Variants in SEMA3A observed in about 807,000 individuals in gnomAD.
SEMA3A encodes the protein semaphorin 3A.
A neutral mutation model predicts 97.9 loss-of-function variants in SEMA3A; 29 were observed. That is an observed-to-expected ratio of 0.30 (90% CI 0.22 to 0.40). The LOEUF (loss-of-function observed/expected upper bound fraction) is 0.40. Among genes scored for constraint, SEMA3A ranks in the 10% least tolerant of loss-of-function variants. SEMA3A has a pLI of 1.00. For synonymous variants in SEMA3A, 321 were observed against 323.7 expected (o/e 0.99, Z 0.09); for missense variants, 763 against 951.3 (o/e 0.80, Z 2.60).
chr7:84,021,941 ATAT>A (rs143074007), intron 6 of SEMA3A, among the ~76,000 whole-genome samples: 7,800 of 152,236 alleles, frequency 0.051, 290 homozygotes, highest in East Asian at 0.19. Flanking sequence ...TTTCTGCAAG[ATAT>A]TATACAATGG....
At chr7:84,316,290 T>G (rs963170372) in intron 2 of SEMA3A, among the ~76,000 whole-genome samples, 1 of 151,970 alleles carries the variant, frequency 6.6e-6, no homozygotes, top group Non-Finnish European at 1.5e-5. Flanking sequence ...ATTTTTAAGT[T>G]GCAGTATAAT....
chr7:84,152,545 G>C (rs1796706321), intron 1 of SEMA3A, among the ~76,000 whole-genome samples: 1 of 117,182 alleles, frequency 8.5e-6, no homozygotes, highest in South Asian at 3.3e-4. Flanking sequence ...ACTGTTGTGG[G>C]GTGGGGGGAG....
In SEMA3A at chr7:84,482,144, G is replaced by A. The variant is rs1049122217; in HGVS notation, c.-246+10316C>T. On this transcript the variant is annotated intron_variant, in intron 1 of 3. Coordinates refer to the SEMA3A transcript ENST00000424555. ...ATTCATCTATTTCAAACTTCTCATC[G>A]TATAAGTTAAAATATTGAGGTAGTG... Among the ~76,000 whole-genome samples, 7 of 151,222 alleles carry A rather than the reference G, an allele frequency of 4.6e-5. No homozygotes were observed. In the South Asian group the frequency reaches 6.3e-4, roughly 14 times the overall value.
At chr7:84,061,704 A>C (rs566561315) in intron 4 of SEMA3A, among the ~76,000 whole-genome samples, 2 of 152,120 alleles carry the variant, frequency 1.3e-5, no homozygotes, top group Non-Finnish European at 2.9e-5. Context: ...CAGGGTTTCA[A>C]ATTATTACTC....
intron 14 of SEMA3A, 104 bp from the exon 15 acceptor site, chr7:83,977,300 G>C: frequency 2.0e-6 from 1 of 488,458 alleles, no homozygotes; most frequent in Non-Finnish European, 3.4e-6. Context: ...ATATATCATA[G>C]ACTCTAGTAA....
intron 1 of SEMA3A, among the ~76,000 whole-genome samples, chr7:84,452,833 T>G (rs993694505): frequency 6.6e-6 from 1 of 152,176 alleles, no homozygotes; most frequent in Non-Finnish European, 1.5e-5. Context: ...ATTTTTCTTT[T>G]TGTTTTGCAA....
At chr7:84,445,493 C>CAA (rs61298477) in intron 1 of SEMA3A, among the ~76,000 whole-genome samples, 19 of 27,564 alleles carry the variant, frequency 6.9e-4, no homozygotes, top group Admixed American at 2.3e-3. Flanking sequence ...GACTCCATCT[C>CAA]AAAAAAAAAA....
At chr7:84,396,226 T>C (rs1453965213) in intron 1 of SEMA3A, among the ~76,000 whole-genome samples, 1 of 151,950 alleles carries the variant, frequency 6.6e-6, no homozygotes, top group Non-Finnish European at 1.5e-5. Flanking sequence ...ATTGTGAATA[T>C]AATATACAGA....
At chr7:84,179,850 C>G (rs1183746357) in intron 1 of SEMA3A, among the ~76,000 whole-genome samples, 2 of 150,042 alleles carry the variant, frequency 1.3e-5, no homozygotes, top group Non-Finnish European at 3.0e-5. Flanking sequence ...CCCCGGACCC[C>G]TATACCAAAT....
chr7:83,961,235 G>A lies in SEMA3A; in HGVS notation c.*136C>T. 2 of 720,228 alleles carry A rather than the reference G, an allele frequency of 2.8e-6. No individual in the cohort carries two copies. The highest frequency in any genetic ancestry group is 4.8e-6 in the Non-Finnish European group (2 of 420,742). The allele number at this position is 720,228 out of a possible 1,614,324, so 44.6% of individuals were successfully genotyped here. ...CTCATGGATTTAATTTATAATTGGTGGAACTCAGCTGAATTTCCCACCATT... is the reference window on the plus strand; with the variant it reads ...CTCATGGATTTAATTTATAATTGGTAGAACTCAGCTGAATTTCCCACCATT... On this transcript the variant is annotated 3_prime_UTR_variant, in exon 17 of 17. Transcript: ENST00000265362.
intron 3 of SEMA3A, among the ~76,000 whole-genome samples, chr7:84,247,453 T>C (rs1453283710): frequency 2.6e-5 from 4 of 152,186 alleles, no homozygotes; most frequent in African/African-American, 9.6e-5. Context: ...TAGTTAACAG[T>C]TATAATAAAG....
chr7:84,467,727 C>T (rs1806039385), intron 1 of SEMA3A, among the ~76,000 whole-genome samples: 1 of 151,970 alleles, frequency 6.6e-6, no homozygotes, highest in African/African-American at 2.4e-5. Flanking sequence ...TTCCTCACCT[C>T]CTGCCTTCAC....
In SEMA3A at chr7:84,236,251, A is replaced by G. The variant is rs111997983; in HGVS notation, c.-82-41583T>C. On this transcript the variant is annotated intron_variant, in intron 3 of 3. Transcript: ENST00000424555. ...GCTAGTCACCACATCTGTATTGATT[A>G]TGTGTCTATCACACATTTGTCAGTG... Among the ~76,000 whole-genome samples, 5 of 152,174 alleles carry G rather than the reference A, an allele frequency of 3.3e-5. 1 individual carries two copies. Among genetic ancestry groups the G allele is most frequent in the African/African-American group, 1.2e-4 (5 of 41,550 alleles).
rs113429640 is a variant in SEMA3A, at chr7:84,292,646, A to C, written c.-83+14561T>G. Among the ~76,000 whole-genome samples, 5 of 152,140 alleles carry C rather than the reference A, an allele frequency of 3.3e-5. 1 individual carries two copies. The highest frequency in any genetic ancestry group is 1.2e-4 in the African/African-American group (5 of 41,552). On this transcript the variant is annotated intron_variant, in intron 3 of 3. Coordinates refer to the SEMA3A transcript ENST00000424555. ...AAATGCACAAATTGGGGTTGGGCAA[A>C]ATCTATTCCTAAACTCTCCCCAACA... is the stretch of plus-strand genomic sequence containing the variant.
At chr7:84,192,212 G>A (rs1330900580) in intron 1 of SEMA3A, among the ~76,000 whole-genome samples, 1 of 151,950 alleles carries the variant, frequency 6.6e-6, no homozygotes, top group Non-Finnish European at 1.5e-5. Context: ...GGAGAAACAA[G>A]AAGTAGCTTT....
At chr7:84,243,447 G>C (rs1562868479) in intron 3 of SEMA3A, among the ~76,000 whole-genome samples, 1 of 152,170 alleles carries the variant, frequency 6.6e-6, no homozygotes, top group African/African-American at 2.4e-5. Flanking sequence ...GGTGTTTACA[G>C]TATTCTCTGA....
At chr7:84,314,074 A>G (rs1801434613) in intron 2 of SEMA3A, among the ~76,000 whole-genome samples, 1 of 152,044 alleles carries the variant, frequency 6.6e-6, no homozygotes, top group Non-Finnish European at 1.5e-5. Flanking sequence ...GTGAAAATGG[A>G]TTATCATTTT....
intron 3 of SEMA3A, among the ~76,000 whole-genome samples, chr7:84,260,849 C>T (rs1345062557): frequency 4.6e-5 from 7 of 152,158 alleles, no homozygotes; most frequent in African/African-American, 9.7e-5. Flanking sequence ...CAGAAAGGGG[C>T]GTATCCTTGG....
chr7:84,207,072 T>C (rs1334136609), intron 3 of SEMA3A, among the ~76,000 whole-genome samples: 2 of 152,240 alleles, frequency 1.3e-5, no homozygotes, highest in Admixed American at 1.3e-4. Flanking sequence ...TGTTTACACA[T>C]GTTTACACAT....
Sources: allele counts gnomAD v4.1 joint callset (sites outside exome capture counted in the v4.1 genomes callset), GRCh38; gene constraint gnomAD v4.1.1; transcripts MANE v1.5; gene names NCBI Gene and HGNC (gene_info 2026-07-23, HGNC 2026-07-21).